PLGRKT: variants seen among roughly 807,000 people sequenced by gnomAD.
The protein encoded by PLGRKT is plasminogen receptor with a C-terminal lysine.
In PLGRKT, 22 loss-of-function variants were observed where a neutral mutation model predicts 18.5. The observed-to-expected ratio is 1.19, with a 90% CI of 0.85 to 1.70. The LOEUF (loss-of-function observed/expected upper bound fraction) is 1.70. Among genes scored for constraint, PLGRKT ranks in the 40% most tolerant of loss-of-function variants. PLGRKT has a pLI of 0.00. For missense variants in PLGRKT, 235 were observed against 174.4 expected (o/e 1.35, Z -1.96); for synonymous variants, 72 against 52.8 (o/e 1.36, Z -1.58).
intron 3 of PLGRKT, among the ~76,000 whole-genome samples, chr9:5,397,945 G>C (rs779404884): frequency 2.6e-5 from 4 of 152,004 alleles, no homozygotes; most frequent in Non-Finnish European, 2.9e-5. Context: ...AGAACGGGGA[G>C]GCATAGAACT....
Position 5,384,970 on chromosome 9 carries a change from G to C in PLGRKT, c.82-23082C>G, listed in dbSNP as rs535521538. Among the ~76,000 whole-genome samples, 59 of 152,152 alleles carry C rather than the reference G, an allele frequency of 3.9e-4. 1 individual carries two copies. The highest frequency in any genetic ancestry group is 1.0e-4 in the Non-Finnish European group (7 of 68,008). On this transcript the variant is annotated intron_variant, in intron 3 of 5. Coordinates refer to ENST00000223864, the MANE Select transcript of PLGRKT (RefSeq NM_018465.4). Reference sequence around the variant, plus strand: ...TATTGCTTACACCTTTATTTAACAAGAGCAACAGCCAAAGTGAGGGAAGAT... The same window carrying C: ...TATTGCTTACACCTTTATTTAACAACAGCAACAGCCAAAGTGAGGGAAGAT...
chr9:5,393,349 C>A (rs898619972), intron 3 of PLGRKT, among the ~76,000 whole-genome samples: 5 of 151,886 alleles, frequency 3.3e-5, no homozygotes, highest in Admixed American at 6.6e-5. Flanking sequence ...CTACTTCCTA[C>A]ACCTCTTGGT....
chr9:5,379,614 G>T (rs879695423), intron 3 of PLGRKT, among the ~76,000 whole-genome samples: 2 of 151,938 alleles, frequency 1.3e-5, no homozygotes, highest in Non-Finnish European at 2.9e-5. Context: ...AGCCAATAAA[G>T]TTAACCCAAT....
intron 3 of PLGRKT, among the ~76,000 whole-genome samples, chr9:5,371,759 T>C (rs535610089): frequency 2.0e-5 from 3 of 152,150 alleles, no homozygotes; most frequent in Admixed American, 2.0e-4. Flanking sequence ...AGATTGTCTA[T>C]TGAGTAAAAA....
At position 5,361,934 on chromosome 9, in the gene PLGRKT, T is replaced by G. The variant is rs1342559774; in HGVS notation, c.82-46A>C. 3 of 1,557,984 alleles carry G rather than the reference T, an allele frequency of 1.9e-6. No homozygotes were observed. The South Asian group carries it at 3.5e-5, about 18-fold the overall frequency. On this transcript the variant is annotated intron_variant, in intron 3 of 5. Coordinates refer to ENST00000223864, the MANE Select transcript of PLGRKT (RefSeq NM_018465.4). The stretch of plus-strand genomic sequence containing the variant: ...AAAGTAAAGTTACTCATCTTTGGAA[T>G]CTGAACAAATAGTTAATAATCTGTT...
chr9:5,434,013 C>A (rs568896368), intron 2 of PLGRKT, among the ~76,000 whole-genome samples: 3 of 141,964 alleles, frequency 2.1e-5, no homozygotes, highest in African/African-American at 8.0e-5. Context: ...AAGTGAGGAG[C>A]GCCTCTGCCC....
chr9:5,411,401 A>AG (rs375038961), intron 3 of PLGRKT, among the ~76,000 whole-genome samples: 4,757 of 146,274 alleles, frequency 0.033, 293 homozygotes, highest in African/African-American at 0.11. Flanking sequence ...AAAAAAAAAG[A>AG]AAAGAAAAGA....
intron 5 of PLGRKT, among the ~76,000 whole-genome samples, chr9:5,360,078 G>C (rs550925483): frequency 7.9e-5 from 12 of 152,184 alleles, no homozygotes; most frequent in Non-Finnish European, 1.2e-4. Context: ...TTACACTAAT[G>C]AGTAGGACAA....
intron 3 of PLGRKT, among the ~76,000 whole-genome samples, chr9:5,422,788 A>G (rs1818602660): frequency 6.6e-6 from 1 of 152,330 alleles, no homozygotes; most frequent in South Asian, 2.1e-4. Flanking sequence ...CAAAAAGGCA[A>G]AGGAAGATGG....
At position 5,418,080 on chromosome 9, in the gene PLGRKT, AT is replaced by A. The variant is rs1275858568; in HGVS notation, c.81+13816del. ...TAGAATATGTCTATCTCGTAACGTG[AT>A]TTTGAAAAATCAGAAATTACAGTCC... is the stretch of plus-strand genomic sequence containing the variant. On this transcript the variant is annotated intron_variant, in intron 3 of 5. Coordinates refer to ENST00000223864, the MANE Select transcript of PLGRKT (RefSeq NM_018465.4). This position sits in a 1 kb window ranked among gnomAD's most constrained non-coding sequence, Gnocchi z 4.2. Among the ~76,000 whole-genome samples, 3 of 152,164 alleles carry A rather than the reference AT, an allele frequency of 2.0e-5. No individual in the cohort carries two copies. The highest frequency in any genetic ancestry group is 7.2e-5 in the African/African-American group (3 of 41,426).
intron 3 of PLGRKT, among the ~76,000 whole-genome samples, chr9:5,402,323 G>T (rs1023191627): frequency 1.3e-5 from 2 of 151,846 alleles, no homozygotes; most frequent in Middle Eastern, 3.2e-3. Context: ...GGATGAAAAG[G>T]CACCCAGGGG....
chr9:5,370,923 G>C (rs1389549029), intron 3 of PLGRKT, among the ~76,000 whole-genome samples: 1 of 151,914 alleles, frequency 6.6e-6, no homozygotes, highest in African/African-American at 2.4e-5. Context: ...GTAGTAATTT[G>C]AAGTTCTTTT....
chr9:5,435,422 C>A (rs1267458056), intron 2 of PLGRKT, among the ~76,000 whole-genome samples: 6 of 152,010 alleles, frequency 3.9e-5, no homozygotes, highest in Non-Finnish European at 8.8e-5. Context: ...CTCCTACATG[C>A]CCCTTATTTC....
intron 3 of PLGRKT, among the ~76,000 whole-genome samples, chr9:5,373,499 T>C (rs1428350217): frequency 6.6e-6 from 1 of 152,204 alleles, no homozygotes; most frequent in Non-Finnish European, 1.5e-5. Context: ...GTCAAGCTTT[T>C]GGCTCTATGA....
intron 3 of PLGRKT, among the ~76,000 whole-genome samples, chr9:5,376,373 C>CTTAT (rs1817628125): frequency 6.6e-6 from 1 of 152,194 alleles, no homozygotes; most frequent in South Asian, 2.1e-4. Context: ...GCCACCACCA[C>CTTAT]TTATTAGCTT....
chr9:5,417,407 G>A (rs1818484815), intron 3 of PLGRKT, among the ~76,000 whole-genome samples: 1 of 151,954 alleles, frequency 6.6e-6, no homozygotes, highest in Non-Finnish European at 1.5e-5. Flanking sequence ...CTAAATTTAA[G>A]AGCTACAACT....
chr9:5,363,936 A>G (rs1048193013), intron 3 of PLGRKT, among the ~76,000 whole-genome samples: 1 of 152,248 alleles, frequency 6.6e-6, no homozygotes, highest in Non-Finnish European at 1.5e-5. Context: ...GCACAAGATT[A>G]GTGTGTGAAA....
chr9:5,425,350 T>C (rs1185552645), intron 3 of PLGRKT, among the ~76,000 whole-genome samples: 1 of 152,168 alleles, frequency 6.6e-6, no homozygotes, highest in Non-Finnish European at 1.5e-5. Context: ...GAAAATATCA[T>C]TATAACTAGT....
At position 5,437,855 on chromosome 9, in the gene PLGRKT, C is replaced by G. The variant is rs533967590; in HGVS notation, c.-199G>C. The stretch of plus-strand genomic sequence containing the variant: ...CCTCCAGGCCCGGGCTCCTTTCGCC[C>G]GCTGCAGGGACCGGGCCTCGCTCCG... On this transcript the variant is annotated 5_prime_UTR_variant, in exon 1 of 6. Transcript: ENST00000223864. 4 of 152,374 alleles carry G rather than the reference C, an allele frequency of 2.6e-5. No individual in the cohort carries two copies. The highest frequency in any genetic ancestry group is 2.1e-4 in the South Asian group (1 of 4,834). 9.4% of individuals were successfully genotyped at this position (152,374 alleles called of 1,614,324 possible).
Sources: gnomAD v4.1 joint callset for allele counts (sites outside exome capture counted in the v4.1 genomes callset) on GRCh38, gnomAD v4.1.1 for gene constraint, Gnocchi (gnomAD v3.1) non-coding constraint, MANE v1.5 for transcripts, NCBI Gene and HGNC (gene_info 2026-07-23, HGNC 2026-07-21) for gene names.